Variants in PWP1 observed in about 807,000 individuals in gnomAD.
The protein encoded by PWP1 is PWP1 homolog, endonuclein.
Under a neutral mutation model 69.9 loss-of-function variants are expected in PWP1, and 47 were observed. That is an observed-to-expected ratio of 0.67 (90% CI 0.53 to 0.86). The LOEUF is 0.86. Among genes scored for constraint, PWP1 ranks in the 40% least tolerant of loss-of-function variants. The pLI is 0.00. For synonymous variants in PWP1, 222 were observed against 208.2 expected (o/e 1.07, Z -0.57); for missense variants, 551 against 608.8 (o/e 0.91, Z 1.00).
intron 5 of PWP1, among the ~76,000 whole-genome samples, chr12:107,694,295 A>G (rs970392956): frequency 2.0e-5 from 3 of 152,188 alleles, no homozygotes; most frequent in African/African-American, 4.8e-5. Flanking sequence ...CAGTCTTCAG[A>G]TCGTCTTGAA....
intron 3 of PWP1, 73 bp downstream of exon 3, chr12:107,688,875 G>C: frequency 7.0e-7 from 1 of 1,420,822 alleles, no homozygotes; most frequent in Non-Finnish European, 9.6e-7. Flanking sequence ...GTGTTCCAAA[G>C]CTTTACTCTT....
chr12:107,694,199 G>T (rs1355912381), intron 5 of PWP1, among the ~76,000 whole-genome samples: 1 of 152,180 alleles, frequency 6.6e-6, no homozygotes, highest in Admixed American at 6.5e-5. Flanking sequence ...TCTGCCTACA[G>T]ATTCTCCGTT....
At chr12:107,692,953 A>G (rs1343757221) in intron 4 of PWP1, 47 bp from the exon 5 acceptor site, 13 of 1,612,186 alleles carry the variant, frequency 8.1e-6, no homozygotes, top group African/African-American at 1.3e-5. Flanking sequence ...AAAAAACCTT[A>G]CTGGCTCTCT....
At chr12:107,701,127 C>T (rs1203658400) in intron 8 of PWP1, among the ~76,000 whole-genome samples, 1 of 152,016 alleles carries the variant, frequency 6.6e-6, no homozygotes, top group African/African-American at 2.4e-5. Context: ...TTTTCAAGTC[C>T]TTTGCTTACT....
intron 8 of PWP1, among the ~76,000 whole-genome samples, chr12:107,702,641 A>AT (rs1272582015): frequency 1.3e-5 from 2 of 152,176 alleles, no homozygotes; most frequent in Admixed American, 6.5e-5. Flanking sequence ...TTTGAAAGAG[A>AT]TTGGTTGAAT....
chr12:107,707,654 CAT>C (rs1410990805), intron 11 of PWP1, among the ~76,000 whole-genome samples: 7 of 152,124 alleles, frequency 4.6e-5, no homozygotes, highest in East Asian at 1.9e-4. Context: ...TTGAGATAAT[CAT>C]GTGGTTTTTG....
intron 11 of PWP1, among the ~76,000 whole-genome samples, chr12:107,707,927 G>C (rs1174509971): frequency 1.3e-5 from 2 of 152,092 alleles, no homozygotes; most frequent in African/African-American, 4.8e-5. Context: ...AATGAGTTAG[G>C]GGGGAAAGAG....
At chr12:107,696,446 TTAAA>T in intron 5 of PWP1, 24 bp from the exon 6 acceptor site, 1 of 1,607,250 alleles carries the variant, frequency 6.2e-7, no homozygotes, top group Non-Finnish European at 8.5e-7. Flanking sequence ...TTCTGATACA[TTAAA>T]GTCTCTTTTC....
chr12:107,707,884 G>A (rs1467555455), intron 11 of PWP1, among the ~76,000 whole-genome samples: 1 of 152,026 alleles, frequency 6.6e-6, no homozygotes, highest in Non-Finnish European at 1.5e-5. Flanking sequence ...GTCTCTGCCG[G>A]GCTTTGGTAT....
At position 107,709,231 on chromosome 12, in the gene PWP1, TG is replaced by T. The variant is rs745426332; in HGVS notation, c.1290+1del. On this transcript the variant is annotated frameshift_variant and splice_region_variant, in exon 13 of 15. Transcript: ENST00000412830. LOFTEE classifies it high-confidence loss of function. The part of the protein sequence containing the change: ...PSLVHSRDMK[M>X]GVLFCSSCCP... Reference sequence around the variant, plus strand: ...CTAGTTCATTCTAGGGACATGAAAATGGTAAGAATCTCCCTGGGTATCTGTT... The same window carrying T: ...CTAGTTCATTCTAGGGACATGAAAATGTAAGAATCTCCCTGGGTATCTGTT... 6 of 1,613,140 alleles carry T rather than the reference TG, an allele frequency of 3.7e-6. No individual in the cohort carries two copies. In the East Asian group the frequency reaches 1.3e-4, roughly 36 times the overall value.
At chr12:107,703,070 C>T (rs185793737) in intron 9 of PWP1, 39 bp downstream of exon 9, 42 of 1,416,690 alleles carry the variant, frequency 3.0e-5, no homozygotes, top group East Asian at 4.6e-5. Context: ...TCTTAAAAAT[C>T]GGACACAAAT....
chr12:107,710,286 A>C lies in PWP1; in HGVS notation c.1291-119A>C, dbSNP rs75330461. The C allele has an allele frequency of 0.011, 15,434 of 1,449,654 alleles. 1,415 individuals carry two copies. In the African/African-American group the frequency reaches 0.19, roughly 18 times the overall value. 89.8% of individuals were successfully genotyped at this position (1,449,654 alleles called of 1,614,324 possible). ...CTTTGCAGTAGGCTTGAAAGTGAGA[A>C]TCATAAGTTGGTTTTGAATAACCAT... On this transcript the variant is annotated intron_variant, in intron 13 of 14. Coordinates refer to ENST00000412830, the MANE Select transcript of PWP1 (RefSeq NM_007062.3).
At chr12:107,708,634 C>T (rs1361938734) in intron 11 of PWP1, among the ~76,000 whole-genome samples, 1 of 152,166 alleles carries the variant, frequency 6.6e-6, no homozygotes, top group Non-Finnish European at 1.5e-5. Context: ...GCCATGCTCA[C>T]CAGGCCTGTG....
intron 11 of PWP1, among the ~76,000 whole-genome samples, chr12:107,707,795 G>A (rs945187058): frequency 2.0e-5 from 3 of 152,026 alleles, no homozygotes; most frequent in South Asian, 2.1e-4. Context: ...TGCTGGATTC[G>A]GTTTGCCAGT....
intron 11 of PWP1, among the ~76,000 whole-genome samples, chr12:107,706,152 T>C (rs966524906): frequency 1.3e-5 from 2 of 152,260 alleles, no homozygotes; most frequent in Non-Finnish European, 2.9e-5. Flanking sequence ...TGGCCAGTGA[T>C]GATGAGCATT....
chr12:107,703,892 C>T, intron 10 of PWP1, 146 bp downstream of exon 10: 1 of 715,180 alleles, frequency 1.4e-6, no homozygotes, highest in Non-Finnish European at 2.4e-6. Flanking sequence ...TTCCTTTTAA[C>T]TCTGGTCCTT....
intron 10 of PWP1, 150 bp downstream of exon 10, chr12:107,703,896 G>A (rs1889762399): frequency 2.9e-6 from 2 of 685,612 alleles, no homozygotes; most frequent in Non-Finnish European, 2.5e-6. Context: ...TTTTAACTCT[G>A]GTCCTTTCAG....
intron 3 of PWP1, among the ~76,000 whole-genome samples, chr12:107,689,605 G>T (rs1889441668): frequency 6.6e-6 from 1 of 152,228 alleles, no homozygotes; most frequent in Non-Finnish European, 1.5e-5. Flanking sequence ...ACTTAGCCAG[G>T]CGTGGTGGCG....
chr12:107,703,793 A>G (rs764705682), intron 10 of PWP1, 47 bp downstream of exon 10: 2 of 1,523,224 alleles, frequency 1.3e-6, no homozygotes, highest in Non-Finnish European at 1.8e-6. Flanking sequence ...TTTATCCTCT[A>G]GAAGTCATTT....
Sources: allele counts gnomAD v4.1 joint callset (sites outside exome capture counted in the v4.1 genomes callset), GRCh38; gene constraint gnomAD v4.1.1; transcripts MANE v1.5; gene names NCBI Gene and HGNC (gene_info 2026-07-23, HGNC 2026-07-21).